The following BRD3 variants were observed in gnomAD, a reference collection of about 807,000 sequenced individuals.
BRD3 encodes bromodomain-containing protein 3.
Under a neutral mutation model 66.8 loss-of-function variants are expected in BRD3, and 17 were observed. That is an observed-to-expected ratio of 0.25 (90% CI 0.17 to 0.38). The LOEUF (loss-of-function observed/expected upper bound fraction) is 0.38. Ranked by LOEUF, BRD3 falls within the 10% of genes least tolerant of loss-of-function variation. The probability of loss-of-function intolerance (pLI) is 1.00; values close to 1 mark genes in which losing one functional copy is unlikely to be tolerated. For synonymous variants in BRD3, 421 were observed against 393.2 expected (o/e 1.07, Z -0.84); for missense variants, 713 against 956.1 (o/e 0.75, Z 3.35).
At chr9:134,053,862 C>T in intron 1 of BRD3, 1 of 237,960 alleles carries the variant, frequency 4.2e-6, no homozygotes, top group Non-Finnish European at 8.2e-6. Context: ...ATGCCACTTG[C>T]TCCCAGGTGG....
At position 134,046,994 on chromosome 9, in the gene BRD3, C is replaced by A. The variant is rs1438765948; in HGVS notation, c.1086+1089G>T. Among the ~76,000 whole-genome samples, 4 of 152,206 alleles carry A rather than the reference C, an allele frequency of 2.6e-5. No homozygotes were observed. The East Asian group carries it at 7.7e-4, about 29-fold the overall frequency. The stretch of plus-strand genomic sequence containing the variant: ...TATGGTAGAGACACACAAACCCCAG[C>A]CCTGGAGGCTGCAGCCGAGGCTCCT... On this transcript the variant is annotated intron_variant, in intron 6 of 11. Coordinates refer to ENST00000303407, the MANE Select transcript of BRD3 (RefSeq NM_007371.4).
At chr9:134,061,669 G>A (rs72766630) in intron 1 of BRD3, among the ~76,000 whole-genome samples, 3 of 152,178 alleles carry the variant, frequency 2.0e-5, no homozygotes, top group African/African-American at 7.2e-5. Context: ...TCTGTCCTGC[G>A]TCAGTGGGGG....
In BRD3 at chr9:134,032,977, G is replaced by A. The variant is rs1223757449; in HGVS notation, c.*613C>T. 1 of 396,124 alleles carries A rather than the reference G, an allele frequency of 2.5e-6. No individual in the cohort carries two copies. Among genetic ancestry groups the A allele is most frequent in the Non-Finnish European group, 4.4e-6 (1 of 225,032 alleles). 24.5% of individuals were successfully genotyped at this position (396,124 alleles called of 1,614,324 possible). ...GGAGCTCCTGACATCACCACGAGCG[G>A]AGAACGCACATCCCACCCGACCACC... On this transcript the variant is annotated 3_prime_UTR_variant, in exon 12 of 12. Transcript: ENST00000303407.
At position 134,050,509 on chromosome 9, in the gene BRD3, C is replaced by A. The variant is rs753201321; in HGVS notation, c.579G>T (p.Thr193=). ...FQSVPPTVSQ[T]PVIAATPVPT... ...GTACAGGGGTGGCAGCGATGACGGG[C>A]GTCTGGGAGACGGTGGGGGGCACGC... Residue 193 remains threonine (T), a synonymous_variant, in exon 5 of 12, where the codon ACG becomes ACT. Transcript: ENST00000303407. The A allele has an allele frequency of 2.2e-5, 35 of 1,605,260 alleles. No homozygotes were observed. The Middle Eastern group carries it at 6.7e-4, about 31-fold the overall frequency.
chr9:134,033,442 G>A lies in BRD3; in HGVS notation c.*148C>T, dbSNP rs1843546124. On this transcript the variant is annotated 3_prime_UTR_variant, in exon 12 of 12. Transcript: ENST00000303407. The surrounding 1 kb of genome is among the most constrained non-coding windows in gnomAD (Gnocchi z 5.1). ...CACACAAGATAGATCTCTGACCTATGAAAGCAAAAACTGGAAGATATCATA... is the reference window on the plus strand; with the variant it reads ...CACACAAGATAGATCTCTGACCTATAAAAGCAAAAACTGGAAGATATCATA... The A allele has an allele frequency of 1.7e-6, 1 of 581,918 alleles. No individual in the cohort carries two copies. The highest frequency in any genetic ancestry group is 3.1e-6 in the Non-Finnish European group (1 of 322,742). The allele number at this position is 581,918 out of a possible 1,614,324, so 36.0% of individuals were successfully genotyped here.
rs955290308 is a variant in BRD3, at chr9:134,038,658, C to T, written c.1643+1376G>A. On this transcript the variant is annotated intron_variant, in intron 9 of 11. Transcript: ENST00000303407. ...GACAAAGATAGTACAAGCTGGGTAT[C>T]CCAAATCCAAAAATCCAAAATGCTC... 4.6e-5 allele frequency among the ~76,000 whole-genome samples: 7 copies of T among 152,202 alleles called. No homozygotes were observed. In the South Asian group the frequency reaches 1.2e-3, roughly 27 times the overall value.
At chr9:134,065,963 G>C (rs1272566683) in intron 1 of BRD3, among the ~76,000 whole-genome samples, 1 of 152,228 alleles carries the variant, frequency 6.6e-6, no homozygotes, top group Non-Finnish European at 1.5e-5. Context: ...TCGGAGTGTA[G>C]GGCAGGCACT....
At chr9:134,057,889 C>G (rs1470725737) in intron 1 of BRD3, 1 of 152,450 alleles carries the variant, frequency 6.6e-6, no homozygotes, top group African/African-American at 2.4e-5. Context: ...AGTGGAGACT[C>G]TGAAAGGGCT....
rs200701138 is a variant in BRD3 at position 134,050,484 on chromosome 9, G to C, written c.604C>G (p.Pro202Ala). Residue 202 changes from proline to alanine, a missense_variant, in exon 5 of 12, where the codon CCA becomes GCA. Pro to Ala is a conservative substitution (Grantham distance 27). Coordinates refer to ENST00000303407, the MANE Select transcript of BRD3 (RefSeq NM_007371.4). The stretch of plus-strand genomic sequence containing the variant: ...GACGTGACGTTTGCAGTGATGGTTG[G>C]TACAGGGGTGGCAGCGATGACGGGC... Reference protein sequence around the residue: ...QTPVIAATPVPTITANVTSVP... With the variant: ...QTPVIAATPVATITANVTSVP... 2 of 1,610,734 alleles carry C rather than the reference G, an allele frequency of 1.2e-6. No homozygotes were observed. Among genetic ancestry groups the C allele is most frequent in the Non-Finnish European group, 1.7e-6 (2 of 1,178,472 alleles).
intron 7 of BRD3, among the ~76,000 whole-genome samples, chr9:134,044,019 G>A (rs455073): frequency 3.3e-5 from 5 of 152,232 alleles, no homozygotes; most frequent in Admixed American, 2.0e-4. Flanking sequence ...TTCCCTGCTC[G>A]GTCTGCAAGC....
intron 9 of BRD3, 48 bp from the exon 10 acceptor site, chr9:134,036,372 C>A: frequency 1.3e-6 from 2 of 1,567,894 alleles, no homozygotes; most frequent in Non-Finnish European, 1.7e-6. Flanking sequence ...CGTCTACCTG[C>A]CGTGGGAGCC....
chr9:134,051,918 T>G (rs1264057221), intron 3 of BRD3, among the ~76,000 whole-genome samples: 3 of 133,682 alleles, frequency 2.2e-5, no homozygotes, highest in African/African-American at 5.8e-5. Flanking sequence ...TGAGATGGAG[T>G]CTTGCTCTGT....
chr9:134,052,158 G>A (rs1364760705), intron 3 of BRD3, 148 bp downstream of exon 3: 16 of 994,626 alleles, frequency 1.6e-5, no homozygotes, highest in Non-Finnish European at 2.3e-5. Context: ...CTCCCAAAGT[G>A]CTGGGATTAC....
intron 8 of BRD3, 37 bp downstream of exon 8, chr9:134,041,723 C>T (rs1471716144): frequency 6.3e-7 from 1 of 1,597,630 alleles, no homozygotes; most frequent in South Asian, 1.1e-5. Context: ...AATCCCGCCT[C>T]AGCCCCTGAA....
rs1378855313 is a variant in BRD3, at chr9:134,036,016, C to T, written c.1936+16G>A. On this transcript the variant is annotated intron_variant, in intron 10 of 11. Transcript: ENST00000303407. ...GAGAGGAACTTCAAGCACCACGCTC[C>T]ACGCAGGCAACTTACAGAACGGTTT... The T allele has an allele frequency of 1.8e-5, 29 of 1,577,230 alleles. No individual in the cohort carries two copies. Among genetic ancestry groups the T allele is most frequent in the Non-Finnish European group, 2.5e-5 (29 of 1,159,670 alleles).
At position 134,033,580 on chromosome 9, in the gene BRD3, C is replaced by G. The variant is rs776610067; in HGVS notation, c.*10G>C. On this transcript the variant is annotated 3_prime_UTR_variant, in exon 12 of 12. Coordinates refer to ENST00000303407, the MANE Select transcript of BRD3 (RefSeq NM_007371.4). This position sits in a 1 kb window ranked among gnomAD's most constrained non-coding sequence, Gnocchi z 5.1. ...CGACATCCATCTGTCCTGTTCTGTCCGAAGCCAGTTCATTCTGAGTCACTG... is the reference window on the plus strand; with the variant it reads ...CGACATCCATCTGTCCTGTTCTGTCGGAAGCCAGTTCATTCTGAGTCACTG... 2.7e-6 allele frequency: 2 copies of G among 750,828 alleles called. No homozygotes were observed. The highest frequency in any genetic ancestry group is 5.0e-6 in the Non-Finnish European group (2 of 401,462). 46.5% of individuals were successfully genotyped at this position (750,828 alleles called of 1,614,324 possible). A position where few individuals can be genotyped will look rare whatever the true frequency, so the allele number is the denominator to read the frequency against.
chr9:134,044,527 C>T (rs1255161891), intron 7 of BRD3, among the ~76,000 whole-genome samples: 1 of 152,156 alleles, frequency 6.6e-6, no homozygotes, highest in Non-Finnish European at 1.5e-5. Context: ...AAAATCAAGT[C>T]CTTTGATTAA....
chr9:134,051,847 A>ATATGTGTGTGTGTG, intron 3 of BRD3, 138 bp from the exon 4 acceptor site: 1 of 516,624 alleles, frequency 1.9e-6, no homozygotes, highest in African/African-American at 3.3e-5. Flanking sequence ...AAATGAATAT[A>ATATGTGTGTGTGTG]TGTGTGTGTG....
At chr9:134,042,722 CACATATATATACACACATATAT>C (rs1830084630) in intron 7 of BRD3, among the ~76,000 whole-genome samples, 1 of 147,612 alleles carries the variant, frequency 6.8e-6, no homozygotes, top group Non-Finnish European at 1.5e-5. Flanking sequence ...CACATATATA[CACATATATATACACACATATAT>C]ACACATATAT....
Sources: allele counts gnomAD v4.1 joint callset (sites outside exome capture counted in the v4.1 genomes callset), GRCh38; gene constraint gnomAD v4.1.1; non-coding constraint Gnocchi (gnomAD v3.1); transcripts MANE v1.5; gene names NCBI Gene and HGNC (gene_info 2026-07-23, HGNC 2026-07-21).